AKAP7: variants seen among roughly 807,000 people sequenced by gnomAD.
The protein encoded by AKAP7 is A kinase (PRKA) anchor protein 7.
Under a neutral mutation model 39.5 loss-of-function variants are expected in AKAP7, and 39 were observed. The ratio of observed to expected loss-of-function variants is 0.99; its 90% CI spans 0.76 to 1.29. AKAP7 has a LOEUF of 1.29. Ranked by LOEUF, AKAP7 falls within the 50% of genes most tolerant of loss-of-function variation. The probability of loss-of-function intolerance (pLI) is 0.00; values close to 1 mark genes in which losing one functional copy is unlikely to be tolerated. For synonymous variants in AKAP7, 140 were observed against 139.1 expected (o/e 1.01, Z -0.05); for missense variants, 414 against 407.7 (o/e 1.02, Z -0.13).
chr6:131,207,733 CA>C (rs1808268047), intron 6 of AKAP7, among the ~76,000 whole-genome samples: 2 of 151,720 alleles, frequency 1.3e-5, no homozygotes, highest in Non-Finnish European at 2.9e-5. Context: ...ACCTGGGAGA[CA>C]GAATAGGCAA....
the AKAP7 span, among the ~76,000 whole-genome samples, chr6:131,130,370 C>T: frequency 2.6e-5 from 4 of 152,150 alleles, no homozygotes; most frequent in African/African-American, 7.2e-5. Context: ...GCTCACTGCA[C>T]CTCTGCAACC....
intron 7 of AKAP7, among the ~76,000 whole-genome samples, chr6:131,260,787 G>T (rs530078668): frequency 1.4e-4 from 22 of 152,164 alleles, no homozygotes; most frequent in African/African-American, 5.1e-4. Context: ...CTTTTGCTGT[G>T]CAGAAGCTTT....
intron 5 of AKAP7, among the ~76,000 whole-genome samples, chr6:131,172,517 G>C (rs1475349059): frequency 6.6e-6 from 1 of 151,678 alleles, no homozygotes; most frequent in East Asian, 1.9e-4. Context: ...TTTAAGAGTT[G>C]GAGTCTCACT....
rs115899421 is a variant in AKAP7 at position 131,273,096 on chromosome 6, G to A, written c.851-8434G>A. On this transcript the variant is annotated intron_variant, in intron 7 of 7. Coordinates refer to ENST00000431975, the MANE Select transcript of AKAP7 (RefSeq NM_016377.4). ...CTCATTATTATATAATATCTCTTCC[G>A]GGTAATACTTTTTCCGAAGTCTGCT... Among the ~76,000 whole-genome samples the A allele has an allele frequency of 4.1e-3, 630 of 152,080 alleles. 3 individuals carry two copies. Among genetic ancestry groups the A allele is most frequent in the African/African-American group, 0.014 (590 of 41,472 alleles).
At chr6:131,135,821 C>T (rs1246259725) in intron 1 of AKAP7, 39 bp downstream of exon 1, 30 of 1,227,042 alleles carry the variant, frequency 2.4e-5, no homozygotes, top group South Asian at 8.2e-5. Context: ...GCGGGGGCGA[C>T]AGGAGCCGCG....
chr6:131,184,309 C>T, intron 5 of AKAP7: 2 of 567,326 alleles, frequency 3.5e-6, no homozygotes, highest in African/African-American at 2.0e-5. Flanking sequence ...TGTCGGGGAG[C>T]AGGGGGGTGG....
At chr6:131,130,359 G>A in the AKAP7 span, among the ~76,000 whole-genome samples, 1 of 152,084 alleles carries the variant, frequency 6.6e-6, no homozygotes, top group Non-Finnish European at 1.5e-5. Context: ...GCACAATCTT[G>A]GCTCACTGCA....
chr6:131,142,044 T>TG (rs1256854777), intron 1 of AKAP7, among the ~76,000 whole-genome samples: 1 of 151,694 alleles, frequency 6.6e-6, no homozygotes, highest in Admixed American at 6.6e-5. Flanking sequence ...AGCAAAGGAA[T>TG]GACTTAAAGT....
At chr6:131,218,705 A>T (rs1288431725) in intron 6 of AKAP7, among the ~76,000 whole-genome samples, 1 of 152,200 alleles carries the variant, frequency 6.6e-6, no homozygotes, top group Non-Finnish European at 1.5e-5. Flanking sequence ...AGAGGTACCA[A>T]GGGCATCCCA....
intron 7 of AKAP7, among the ~76,000 whole-genome samples, chr6:131,239,313 C>T (rs767060708): frequency 2.0e-5 from 3 of 152,124 alleles, no homozygotes; most frequent in Non-Finnish European, 4.4e-5. Flanking sequence ...GTGGGTAACC[C>T]AACCTTTCTC....
At chr6:131,194,053 A>G (rs776218806) in intron 5 of AKAP7, among the ~76,000 whole-genome samples, 5 of 151,642 alleles carry the variant, frequency 3.3e-5, no homozygotes, top group Non-Finnish European at 5.9e-5. Flanking sequence ...TTCTGCTCTG[A>G]TATTTATTAT....
intron 7 of AKAP7, among the ~76,000 whole-genome samples, chr6:131,236,566 C>A (rs933043643): frequency 5.3e-5 from 8 of 152,128 alleles, no homozygotes; most frequent in Non-Finnish European, 1.0e-4. Context: ...TTGTTTGTAT[C>A]CTCTTTTATT....
At chr6:131,250,659 AT>A in intron 7 of AKAP7, 1 of 1,600,390 alleles carries the variant, frequency 6.2e-7, no homozygotes, top group Non-Finnish European at 8.6e-7. Flanking sequence ...GTGCTTGACT[AT>A]TTTGTGCGGT....
intron 5 of AKAP7, among the ~76,000 whole-genome samples, chr6:131,192,245 C>T (rs1283910423): frequency 6.6e-6 from 1 of 152,032 alleles, no homozygotes; most frequent in African/African-American, 2.4e-5. Context: ...GTCTTTAATC[C>T]ATTTTGATTT....
At chr6:131,143,622 CAG>C (rs1801223505) in intron 1 of AKAP7, among the ~76,000 whole-genome samples, 1 of 151,902 alleles carries the variant, frequency 6.6e-6, no homozygotes, top group Non-Finnish European at 1.5e-5. Flanking sequence ...ACTAATACAA[CAG>C]GGGTGTGTGT....
intron 7 of AKAP7, among the ~76,000 whole-genome samples, chr6:131,257,549 G>GGTCTT (rs2128323848): frequency 6.6e-6 from 1 of 152,126 alleles, no homozygotes; most frequent in African/African-American, 2.4e-5. Flanking sequence ...CACTTCTTGG[G>GGTCTT]GTCTTGTCCA....
chr6:131,228,344 C>T (rs1389560353), intron 7 of AKAP7, among the ~76,000 whole-genome samples: 2 of 152,074 alleles, frequency 1.3e-5, no homozygotes, highest in Non-Finnish European at 2.9e-5. Flanking sequence ...TTTCTTAAAT[C>T]CAATATGCTC....
chr6:131,258,940 C>T (rs1813084800), intron 7 of AKAP7, among the ~76,000 whole-genome samples: 1 of 151,938 alleles, frequency 6.6e-6, no homozygotes, highest in Non-Finnish European at 1.5e-5. Context: ...TCTCATATTC[C>T]CAAGGGAGTC....
chr6:131,170,375 A>T (rs932204716), intron 5 of AKAP7, among the ~76,000 whole-genome samples: 42 of 152,288 alleles, frequency 2.8e-4, no homozygotes, highest in African/African-American at 5.8e-4. Flanking sequence ...AAGAAAAAAA[A>T]AATAATAACC....
Sources: allele counts gnomAD v4.1 joint callset (sites outside exome capture counted in the v4.1 genomes callset), GRCh38; gene constraint gnomAD v4.1.1; transcripts MANE v1.5; gene names NCBI Gene and HGNC (gene_info 2026-07-23, HGNC 2026-07-21).